The following F13A1 variants were observed in gnomAD, a reference collection of about 807,000 sequenced individuals.
F13A1 encodes the protein coagulation factor XIII A chain, also known as FSF, A subunit.
In F13A1, 47 loss-of-function variants were observed where a neutral mutation model predicts 80.1. The observed-to-expected ratio is 0.59, with a 90% CI of 0.46 to 0.75. The LOEUF (loss-of-function observed/expected upper bound fraction) is 0.75. F13A1 is among the 30% of genes least tolerant of loss of function. The pLI is 0.00. For synonymous variants in F13A1, 349 were observed against 344.9 expected, an observed-to-expected ratio of 1.01 and a Z score of -0.13; for missense variants, 817 against 930.4, an observed-to-expected ratio of 0.88 and a Z score of 1.59.
At chr6:6,210,348 T>TATATATATATATATATATATATG (rs1420900272) in intron 8 of F13A1, among the ~76,000 whole-genome samples, 2 of 134,728 alleles carry the variant, frequency 1.5e-5, no homozygotes, top group African/African-American at 2.8e-5. Context: ...TATATATATA[T>TATATATATATATATATATATATG]TTCTTTTTTT....
rs556191814 is a variant in F13A1, at chr6:6,149,402, T to C, written c.2045+2411A>G. On this transcript the variant is annotated intron_variant, in intron 14 of 14. Transcript: ENST00000264870. ...TTGAGGACTGTTACGGACTAAATGT[T>C]TGTGGTCCTCACACATTCATTTGTT... 3.3e-5 allele frequency among the ~76,000 whole-genome samples: 5 copies of C among 152,340 alleles called. No individual in the cohort carries two copies. In the South Asian group the frequency reaches 8.3e-4, roughly 25 times the overall value.
chr6:6,147,987 A>G lies in F13A1; in HGVS notation c.2046-2215T>C, dbSNP rs190441351. On this transcript the variant is annotated intron_variant, in intron 14 of 14. Coordinates refer to ENST00000264870, the MANE Select transcript of F13A1 (RefSeq NM_000129.4). ...TCTTGAATGCACGCAGGCAAATAAG[A>G]TTATTATTACAATAAACTGCAACTG... Among the ~76,000 whole-genome samples the G allele has an allele frequency of 9.7e-4, 148 of 152,304 alleles. 1 individual carries two copies. The highest frequency in any genetic ancestry group is 3.4e-3 in the African/African-American group (140 of 41,568).
chr6:6,164,198 C>G (rs1202916332), intron 13 of F13A1, among the ~76,000 whole-genome samples: 3 of 151,968 alleles, frequency 2.0e-5, no homozygotes, highest in Non-Finnish European at 4.4e-5. Context: ...AAAAAAAGCC[C>G]ATGGAGGCTA....
At chr6:6,220,461 T>C (rs1032414807) in intron 8 of F13A1, among the ~76,000 whole-genome samples, 1 of 152,108 alleles carries the variant, frequency 6.6e-6, no homozygotes, top group Non-Finnish European at 1.5e-5. Context: ...GAGTGCCTCA[T>C]AGGGACTTAT....
chr6:6,256,471 C>T (rs928720022), intron 4 of F13A1, among the ~76,000 whole-genome samples: 1 of 152,166 alleles, frequency 6.6e-6, no homozygotes, highest in Non-Finnish European at 1.5e-5. Flanking sequence ...CCCAGAGCAA[C>T]TCTGTCACCA....
At chr6:6,234,423 A>T (rs1561663458) in intron 6 of F13A1, among the ~76,000 whole-genome samples, 1 of 152,046 alleles carries the variant, frequency 6.6e-6, no homozygotes. Context: ...CTTGAAAGTG[A>T]TATCAAAATA....
rs888758378 is a variant in F13A1 at position 6,207,019 on chromosome 6, A to G, written c.1113-9693T>C. Among the ~76,000 whole-genome samples, 3 of 152,020 alleles carry G rather than the reference A, an allele frequency of 2.0e-5. No homozygotes were observed. The East Asian group carries it at 5.8e-4, about 29-fold the overall frequency. ...TAGAGCAATGAGAACACTTGCAAATATGATCACAGCTGACCTTTCCAGAAC... is the reference window on the plus strand; with the variant it reads ...TAGAGCAATGAGAACACTTGCAAATGTGATCACAGCTGACCTTTCCAGAAC... On this transcript the variant is annotated intron_variant, in intron 8 of 14. Transcript: ENST00000264870.
intron 12 of F13A1, among the ~76,000 whole-genome samples, chr6:6,171,621 T>G (rs533794460): frequency 1.3e-5 from 2 of 152,340 alleles, no homozygotes; most frequent in East Asian, 3.9e-4. Flanking sequence ...TTTAGTCTCT[T>G]CTCAACACAG....
chr6:6,198,115 A>C, intron 8 of F13A1, among the ~76,000 whole-genome samples: 1 of 152,242 alleles, frequency 6.6e-6, no homozygotes, highest in Admixed American at 6.5e-5. Context: ...TAGAAACTAC[A>C]ACAATTATGC....
intron 2 of F13A1, among the ~76,000 whole-genome samples, chr6:6,317,648 T>C (rs934830103): frequency 1.3e-5 from 2 of 152,120 alleles, no homozygotes; most frequent in Non-Finnish European, 2.9e-5. Flanking sequence ...TTGGTCTCCT[T>C]CTAATGAGGG....
intron 12 of F13A1, among the ~76,000 whole-genome samples, chr6:6,173,452 G>A (rs921297195): frequency 8.9e-5 from 13 of 146,526 alleles, no homozygotes; most frequent in Non-Finnish European, 5.9e-5. Context: ...CAGTCACCCA[G>A]GCTGGAGGGC....
rs1186497580 is a variant in F13A1 at position 6,224,855 on chromosome 6, A to G, written c.804T>C (p.Asn268=). The change falls in exon 7 of 15, where the codon AAT becomes AAC. Residue 268 remains asparagine (N), a synonymous_variant. Transcript: ENST00000264870. ...CGAGGACACCTTCGTCATCTTTGGCATTCACCTAAATGAGTCCGTGAGAAG... is the reference window on the plus strand; with the variant it reads ...CGAGGACACCTTCGTCATCTTTGGCGTTCACCTAAATGAGTCCGTGAGAAG... ...KVSRVGSAMV[N]AKDDEGVLVG... is the part of the protein sequence containing the mutation. 6.2e-7 allele frequency: 1 copy of G among 1,614,074 alleles called. No homozygotes were observed. The highest frequency in any genetic ancestry group is 8.5e-7 in the Non-Finnish European group (1 of 1,179,910).
intron 3 of F13A1, among the ~76,000 whole-genome samples, chr6:6,270,188 A>G (rs372264698): frequency 1.4e-4 from 22 of 152,346 alleles, no homozygotes; most frequent in African/African-American, 5.3e-4. Flanking sequence ...AATTGCCAAC[A>G]TCTGCCTTAG....
intron 3 of F13A1, chr6:6,305,145 T>C: frequency 1.6e-6 from 1 of 634,330 alleles, no homozygotes; most frequent in Non-Finnish European, 2.8e-6. Context: ...TATATGAGAT[T>C]TTCTCCTTGG....
At chr6:6,255,802 T>C (rs1311917386) in intron 4 of F13A1, among the ~76,000 whole-genome samples, 2 of 152,046 alleles carry the variant, frequency 1.3e-5, no homozygotes, top group African/African-American at 4.8e-5. Context: ...GGAAGTCAAA[T>C]GGGAAGGCTC....
chr6:6,206,543 G>A (rs574504175), intron 8 of F13A1: 2 of 493,414 alleles, frequency 4.1e-6, no homozygotes, highest in Non-Finnish European at 4.2e-6. Context: ...TGAGACTTGA[G>A]TGGAATGAGG....
At chr6:6,177,201 T>C (rs970322398) in intron 11 of F13A1, among the ~76,000 whole-genome samples, 2 of 152,214 alleles carry the variant, frequency 1.3e-5, no homozygotes, top group South Asian at 4.1e-4. Context: ...AAGTCAAAAA[T>C]ATCTTTCCAT....
chr6:6,226,682 C>CTGAGT (rs1305996194), intron 6 of F13A1, among the ~76,000 whole-genome samples: 1 of 152,184 alleles, frequency 6.6e-6, no homozygotes, highest in African/African-American at 2.4e-5. Flanking sequence ...CTCCGTCTTT[C>CTGAGT]TGAGTTTTAC....
intron 8 of F13A1, among the ~76,000 whole-genome samples, chr6:6,204,106 AG>A (rs909651652): frequency 2.6e-5 from 4 of 152,200 alleles, no homozygotes; most frequent in Non-Finnish European, 2.9e-5. Flanking sequence ...CATGGGCTTC[AG>A]GGTGCTATGT....
Sources: allele counts gnomAD v4.1 joint callset (sites outside exome capture counted in the v4.1 genomes callset), GRCh38; gene constraint gnomAD v4.1.1; transcripts MANE v1.5; gene names NCBI Gene and HGNC (gene_info 2026-07-23, HGNC 2026-07-21).